The following MTREX variants were observed in gnomAD, a reference collection of about 807,000 sequenced individuals.
MTREX encodes exosome RNA helicase MTR4.
In MTREX, 76 loss-of-function variants were observed where a neutral mutation model predicts 135.4. That is an observed-to-expected ratio of 0.56 (90% CI 0.47 to 0.68). The LOEUF is 0.68. Ranked by LOEUF, MTREX falls within the 30% of genes least tolerant of loss-of-function variation. The probability of loss-of-function intolerance (pLI) is 0.00; values close to 1 mark genes in which losing one functional copy is unlikely to be tolerated. For synonymous variants in MTREX, 404 were observed against 401.6 expected (o/e 1.01, Z -0.07); for missense variants, 920 against 1,262.1 (o/e 0.73, Z 4.11).
chr5:55,326,128 G>A (rs955029896), intron 3 of MTREX, among the ~76,000 whole-genome samples: 3 of 152,188 alleles, frequency 2.0e-5, no homozygotes, highest in African/African-American at 7.2e-5. Flanking sequence ...TGGGCACAGT[G>A]GCTCACGTCT....
Position 55,400,380 on chromosome 5 carries a change from A to G in MTREX, c.2440A>G (p.Asn814Asp), listed in dbSNP as rs540562435. Residue 814 changes from asparagine (N) to aspartate (D), a missense_variant, in exon 21 of 27, where the codon AAT (asparagine) becomes GAT (aspartate). This residue lies in a region of MTREX where 467 missense variants were observed against 589.7 expected (regional missense o/e 0.79). Transcript: ENST00000230640. ...TTCTCATCCACTTCACAATGATCCA[A>G]ATTTGGAAACTGTGTATACGCTTTG... ...MYSHPLHNDP[N>D]LETVYTLCEK... 4 of 1,611,454 alleles carry G rather than the reference A, an allele frequency of 2.5e-6. No individual in the cohort carries two copies. The highest frequency in any genetic ancestry group is 1.3e-5 in the African/African-American group (1 of 74,880).
At chr5:55,352,021 T>TTTTTG (rs559247967) in intron 13 of MTREX, among the ~76,000 whole-genome samples, 160 of 131,916 alleles carry the variant, frequency 1.2e-3, no homozygotes, top group East Asian at 6.6e-3. Context: ...TTTGTTTTTG[T>TTTTTG]TTTTGTTTTG....
At chr5:55,407,503 T>C (rs2111606880) in intron 22 of MTREX, among the ~76,000 whole-genome samples, 1 of 152,222 alleles carries the variant, frequency 6.6e-6, no homozygotes, top group Admixed American at 6.6e-5. Flanking sequence ...AAATTGATTT[T>C]ATTCCAAGAT....
At position 55,341,782 on chromosome 5, in the gene MTREX, T is replaced by G; in HGVS notation, c.781+11T>G. ...ATATGAGAGATTCAGGTATATTCAG[T>G]GTTGAAATGTATATCATGTATTTCC... On this transcript the variant is annotated intron_variant, in intron 7 of 26. Coordinates refer to ENST00000230640, the MANE Select transcript of MTREX (RefSeq NM_015360.5). The G allele has an allele frequency of 7.8e-7, 1 of 1,284,604 alleles. No homozygotes were observed. The highest frequency in any genetic ancestry group is 1.3e-5 in the South Asian group (1 of 76,058). The allele number at this position is 1,284,604 out of a possible 1,614,324, so 79.6% of individuals were successfully genotyped here.
At position 55,327,749 on chromosome 5, in the gene MTREX, C is replaced by G. The variant is rs1749406420; in HGVS notation, c.373C>G (p.Leu125Val). ...ALPAEEDYLP[L>V]KPRVGKAAKE... Reference sequence around the variant, plus strand: ...TCCTGCAGAAGAGGATTATTTACCACTTAAACCACGAGTTGGAAAAGCTGC... The same window carrying G: ...TCCTGCAGAAGAGGATTATTTACCAGTTAAACCACGAGTTGGAAAAGCTGC... The change falls in exon 4 of 27, where the codon CTT becomes GTT. Residue 125 changes from leucine to valine, a missense_variant. Leu to Val is a conservative substitution (Grantham distance 32, BLOSUM62 1). Transcript: ENST00000230640. 1.9e-6 allele frequency: 3 copies of G among 1,613,254 alleles called. No individual in the cohort carries two copies. Among genetic ancestry groups the G allele is most frequent in the Non-Finnish European group, 1.7e-6 (2 of 1,179,584 alleles).
rs149863310 is a variant in MTREX at position 55,308,033 on chromosome 5, A to G, written c.20A>G (p.Asp7Gly). Residue 7 changes from aspartate (D) to glycine (G), a missense_variant, in exon 1 of 27, where the codon GAT becomes GGT. Transcript: ENST00000230640. MADAFG[D>G]ELFSVFEGDS... ...CCAAAAATGGCGGACGCATTCGGAG[A>G]TGAGCTGTTCAGCGTGTTCGAGGGC... is the stretch of plus-strand genomic sequence containing the variant. The G allele has an allele frequency of 1.5e-4, 243 of 1,614,108 alleles. 2 individuals are homozygous for G. The South Asian group carries it at 2.0e-3, about 13-fold the overall frequency.
chr5:55,362,355 T>TG (rs1229367097), intron 15 of MTREX, among the ~76,000 whole-genome samples: 1 of 151,352 alleles, frequency 6.6e-6, no homozygotes, highest in Non-Finnish European at 1.5e-5. Flanking sequence ...TTTTTGTTTT[T>TG]TTTGTTTGTT....
intron 23 of MTREX, among the ~76,000 whole-genome samples, chr5:55,412,874 T>G (rs1439736169): frequency 6.6e-6 from 1 of 152,184 alleles, no homozygotes; most frequent in Admixed American, 6.5e-5. Flanking sequence ...TCTGGCTATT[T>G]TGCTTTTTTG....
chr5:55,346,751 C>T (rs1441373288), intron 10 of MTREX, among the ~76,000 whole-genome samples: 1 of 152,066 alleles, frequency 6.6e-6, no homozygotes, highest in African/African-American at 2.4e-5. Context: ...TCCCCCCATT[C>T]TGTTTGAGGT....
At chr5:55,361,170 A>G (rs1053327627) in intron 15 of MTREX, among the ~76,000 whole-genome samples, 3 of 152,236 alleles carry the variant, frequency 2.0e-5, no homozygotes, top group Admixed American at 6.5e-5. Context: ...ATATTTTCTT[A>G]TAGGCAAAAA....
chr5:55,313,370 G>T (rs1251594284), intron 1 of MTREX, among the ~76,000 whole-genome samples: 1 of 152,064 alleles, frequency 6.6e-6, no homozygotes, highest in Non-Finnish European at 1.5e-5. Context: ...AGCTCTGGGA[G>T]GTTGAGGCTG....
At chr5:55,318,360 G>A (rs1002391985) in intron 1 of MTREX, among the ~76,000 whole-genome samples, 5 of 152,152 alleles carry the variant, frequency 3.3e-5, no homozygotes, top group African/African-American at 1.2e-4. Context: ...CAAAGACATG[G>A]AATCAACCCA....
chr5:55,342,450 G>A (rs143837398), intron 7 of MTREX, among the ~76,000 whole-genome samples: 8 of 152,244 alleles, frequency 5.3e-5, no homozygotes, highest in African/African-American at 1.9e-4. Context: ...TGAAATATGT[G>A]TTTATGGTAA....
intron 7 of MTREX, 118 bp downstream of exon 7, chr5:55,341,889 CTG>C (rs1561191757): frequency 1.9e-6 from 1 of 524,156 alleles, no homozygotes; most frequent in African/African-American, 2.0e-5. Flanking sequence ...TTCTAATAAA[CTG>C]TTGTTTCTTT....
chr5:55,378,222 T>TG, intron 16 of MTREX, 92 bp from the exon 17 acceptor site: 1 of 1,399,284 alleles, frequency 7.1e-7, no homozygotes, highest in Non-Finnish European at 9.4e-7. Flanking sequence ...CAACTACACT[T>TG]GCACCAACCT....
intron 19 of MTREX, 152 bp downstream of exon 19, chr5:55,388,254 CTAACG>C (rs1175950060): frequency 4.1e-6 from 2 of 492,206 alleles, no homozygotes; most frequent in Non-Finnish European, 6.5e-6. Context: ...GTAAAGCTAT[CTAACG>C]TATCAGTAGG....
In MTREX at chr5:55,346,108, C is replaced by G. The variant is rs535047807; in HGVS notation, c.1109-905C>G. On this transcript the variant is annotated intron_variant, in intron 10 of 26. Transcript: ENST00000230640. ...TTCTGGTTTTTGACTGTTAGGAATG[C>G]TGTTGTAAACATTGATGCATGTACT... Among the ~76,000 whole-genome samples, 253 of 152,262 alleles carry G rather than the reference C, an allele frequency of 1.7e-3. 1 individual carries two copies. The highest frequency in any genetic ancestry group is 0.014 in the Middle Eastern group (4 of 294).
Position 55,397,409 on chromosome 5 carries a change from G to A in MTREX, c.2182-7G>A. 1 of 1,594,986 alleles carries A rather than the reference G, an allele frequency of 6.3e-7. No homozygotes were observed. Among genetic ancestry groups the A allele is most frequent in the South Asian group, 1.1e-5 (1 of 88,994 alleles). On this transcript the variant is annotated splice_polypyrimidine_tract_variant and splice_region_variant and intron_variant, in intron 19 of 26. Coordinates refer to ENST00000230640, the MANE Select transcript of MTREX (RefSeq NM_015360.5). ...AACTGTAATACTGTATAACTTTTTG[G>A]TCATAGGTTGTCCCAGTTTTGGTGC... is the stretch of plus-strand genomic sequence containing the variant.
At position 55,400,477 on chromosome 5, in the gene MTREX, ATG is replaced by A. The variant is rs1750707830; in HGVS notation, c.2481+60_2481+61del. On this transcript the variant is annotated intron_variant, in intron 21 of 26. Coordinates refer to ENST00000230640, the MANE Select transcript of MTREX (RefSeq NM_015360.5). ...ATTCTATATGTTTCACTGAATAAATATGTGTTTGTCATTTTCTTATCCTGTTG... is the reference window on the plus strand; with the variant it reads ...ATTCTATATGTTTCACTGAATAAATATGTTTGTCATTTTCTTATCCTGTTG... The A allele has an allele frequency of 5.0e-6, 6 of 1,200,616 alleles. No individual in the cohort carries two copies. The South Asian group carries it at 6.9e-5, about 14-fold the overall frequency. The allele number at this position is 1,200,616 out of a possible 1,614,324, so 74.4% of individuals were successfully genotyped here. A position where few individuals can be genotyped will look rare whatever the true frequency, so the allele number is the denominator to read the frequency against.
Sources: allele counts gnomAD v4.1 joint callset (sites outside exome capture counted in the v4.1 genomes callset), GRCh38; gene constraint gnomAD v4.1.1; regional missense constraint gnomAD v4.1.1; transcripts MANE v1.5; gene names NCBI Gene and HGNC (gene_info 2026-07-23, HGNC 2026-07-21).